The following MBNL2 variants were observed in gnomAD, a reference collection of about 807,000 sequenced individuals.
The protein encoded by MBNL2 is muscleblind-like protein 2.
A neutral mutation model predicts 41.9 loss-of-function variants in MBNL2; 17 were observed. The observed-to-expected ratio is 0.41, with a 90% CI of 0.28 to 0.61. The LOEUF is 0.61. MBNL2 is among the 20% of genes least tolerant of loss of function. MBNL2 has a pLI of 0.35. For missense variants in MBNL2, 336 were observed against 505.6 expected (o/e 0.66, Z 3.22); for synonymous variants, 195 against 182.9 (o/e 1.07, Z -0.53).
At position 97,380,591 on chromosome 13, in the gene MBNL2, C is replaced by T. The variant is rs114664342; in HGVS notation, c.1049-10731C>T. 1.6e-3 allele frequency among the ~76,000 whole-genome samples: 242 copies of T among 152,280 alleles called. 1 individual carries two copies. Among genetic ancestry groups the T allele is most frequent in the Middle Eastern group, 6.8e-3 (2 of 294 alleles). On this transcript the variant is annotated intron_variant, in intron 8 of 8. Coordinates refer to ENST00000679496, the MANE Select transcript of MBNL2 (RefSeq NM_001382683.1). ...CAATGAAAACAGTAGTTCCTGCTCT[C>T]ATGGGTCTTACATGGTGAGGGGGAC...
At chr13:97,260,424 A>G (rs555273187) in intron 1 of MBNL2, among the ~76,000 whole-genome samples, 1 of 152,324 alleles carries the variant, frequency 6.6e-6, no homozygotes, top group South Asian at 2.1e-4. Context: ...TACATTTTCA[A>G]AGAGTCCCTC....
rs1445127203 is a variant in MBNL2 at position 97,232,888 on chromosome 13, T to TGTGTGTGCGC, written c.-605+10360_-605+10361insTGTGCGCGTG. On this transcript the variant is annotated intron_variant, in intron 1 of 8. Transcript: ENST00000679496. ...GTGTGTGTGTGTGTGTGTGTGTGTG[T>TGTGTGTGCGC]GTGCGCACGTACACTGAATGAACTT... 3.8e-4 allele frequency among the ~76,000 whole-genome samples: 55 copies of TGTGTGTGCGC among 146,384 alleles called. 1 individual carries two copies. The South Asian group carries it at 3.9e-3, about 10-fold the overall frequency.
chr13:97,370,858 A>C (rs1218434434), intron 8 of MBNL2, among the ~76,000 whole-genome samples: 3 of 152,160 alleles, frequency 2.0e-5, no homozygotes, highest in South Asian at 4.1e-4. Context: ...CCTAACCTCT[A>C]CTAATCATCT....
intron 1 of MBNL2, among the ~76,000 whole-genome samples, chr13:97,242,732 A>G (rs1170470158): frequency 6.6e-6 from 1 of 151,726 alleles, no homozygotes; most frequent in African/African-American, 2.4e-5. Context: ...AAGAAACATT[A>G]AAAGAGCTTG....
At chr13:97,169,435 T>TATCA in the MBNL2 span, among the ~76,000 whole-genome samples, 11 of 152,202 alleles carry the variant, frequency 7.2e-5, no homozygotes, top group African/African-American at 2.7e-4. Flanking sequence ...AATTTCTATC[T>TATCA]ATCAGTTTTC....
the MBNL2 span, among the ~76,000 whole-genome samples, chr13:97,164,807 G>A: frequency 6.6e-6 from 1 of 152,164 alleles, no homozygotes; most frequent in Admixed American, 6.5e-5. Flanking sequence ...CTGGTCTGAT[G>A]CCCATCCATC....
At chr13:97,155,264 T>C in the MBNL2 span, among the ~76,000 whole-genome samples, 3 of 152,076 alleles carry the variant, frequency 2.0e-5, no homozygotes, top group South Asian at 6.2e-4. Flanking sequence ...TTAATATATA[T>C]TTTTTATATC....
chr13:97,375,433 G>GTGTC (rs1491308309), intron 8 of MBNL2, among the ~76,000 whole-genome samples: 1 of 152,224 alleles, frequency 6.6e-6, no homozygotes, highest in East Asian at 1.9e-4. Flanking sequence ...CATCCCTGAA[G>GTGTC]TGTCATAGGT....
chr13:97,388,249 G>A (rs1435972900), intron 8 of MBNL2, among the ~76,000 whole-genome samples: 1 of 150,474 alleles, frequency 6.6e-6, no homozygotes, highest in Non-Finnish European at 1.5e-5. Context: ...CCCCATGAAG[G>A]TTTTGATCCT....
At position 97,357,618 on chromosome 13, in the gene MBNL2, C is replaced by A; in HGVS notation, c.995C>A (p.Ala332Asp). 6.2e-7 allele frequency: 1 copy of A among 1,614,062 alleles called. No homozygotes were observed. Among genetic ancestry groups the A allele is most frequent in the Non-Finnish European group, 8.5e-7 (1 of 1,179,996 alleles). ...ALTSAQLQQH[A>D]AFIPTGSVLC... ...ACCAGCGCACAGTTGCAGCAACACG[C>A]CGCGTTCATTCCAACAGGTATGTGC... Residue 332 changes from alanine to aspartate, a missense_variant, in exon 7 of 9, where the codon GCC (alanine) becomes GAC (aspartate). Physicochemically the swap from Ala to Asp is moderately radical, Grantham distance 126. Transcript: ENST00000679496.
In MBNL2 at chr13:97,393,588, A is replaced by G. The variant is rs184194825; in HGVS notation, c.*2139A>G. The G allele has an allele frequency of 6.6e-6, 1 of 152,638 alleles. No individual in the cohort carries two copies. The highest frequency in any genetic ancestry group is 1.9e-4 in the East Asian group (1 of 5,192). 9.5% of individuals were successfully genotyped at this position (152,638 alleles called of 1,614,324 possible). ...AAGAGTCATAAATATGCCATTTACA[A>G]TAAGGAGGAGGCAAGGCAAATGCAT... On this transcript the variant is annotated 3_prime_UTR_variant, in exon 9 of 9. Coordinates refer to ENST00000679496, the MANE Select transcript of MBNL2 (RefSeq NM_001382683.1).
At chr13:97,379,064 G>T (rs2065202855) in intron 8 of MBNL2, among the ~76,000 whole-genome samples, 1 of 152,234 alleles carries the variant, frequency 6.6e-6, no homozygotes, top group African/African-American at 2.4e-5. Flanking sequence ...TATGGTCAGT[G>T]TAGGCTTGGG....
intron 2 of MBNL2, among the ~76,000 whole-genome samples, chr13:97,310,835 GAA>G (rs1181142495): frequency 6.8e-6 from 1 of 146,506 alleles, no homozygotes; most frequent in Non-Finnish European, 1.5e-5. Context: ...CAACCCAAAG[GAA>G]AAGAGAAACA....
At chr13:97,351,200 C>A (rs1566435014) in intron 5 of MBNL2, among the ~76,000 whole-genome samples, 1 of 152,172 alleles carries the variant, frequency 6.6e-6, no homozygotes, top group African/African-American at 2.4e-5. Context: ...TTTTTCTGAG[C>A]AGTAGGTCTC....
chr13:97,229,682 G>A (rs1023323565), intron 1 of MBNL2, among the ~76,000 whole-genome samples: 2 of 152,154 alleles, frequency 1.3e-5, no homozygotes, highest in African/African-American at 4.8e-5. Flanking sequence ...AGATGGAGAT[G>A]AAGTGTTAGG....
intron 7 of MBNL2, among the ~76,000 whole-genome samples, chr13:97,359,272 T>TAA (rs113380350): frequency 2.4e-4 from 34 of 138,790 alleles, no homozygotes; most frequent in Middle Eastern, 3.7e-3. Flanking sequence ...TATTTTAAGA[T>TAA]AAAAAAAAAA....
upstream of MBNL2, among the ~76,000 whole-genome samples, chr13:97,220,575 G>GT (rs2040770288): frequency 6.6e-6 from 1 of 152,204 alleles, no homozygotes; most frequent in South Asian, 2.1e-4. Context: ...TTTATAGAGA[G>GT]AAAGGTTTGA....
chr13:97,381,893 A>G (rs1002459157), intron 8 of MBNL2, among the ~76,000 whole-genome samples: 1 of 152,008 alleles, frequency 6.6e-6, no homozygotes, highest in Non-Finnish European at 1.5e-5. Context: ...TATATTACAT[A>G]TTATGTTACA....
chr13:97,151,565 G>A, the MBNL2 span, among the ~76,000 whole-genome samples: 1 of 152,164 alleles, frequency 6.6e-6, no homozygotes, highest in Non-Finnish European at 1.5e-5. Context: ...TCCCACCAAA[G>A]CTAATTTCAA....
Sources: gnomAD v4.1 joint callset for allele counts (sites outside exome capture counted in the v4.1 genomes callset) on GRCh38, gnomAD v4.1.1 for gene constraint, MANE v1.5 for transcripts, NCBI Gene and HGNC (gene_info 2026-07-23, HGNC 2026-07-21) for gene names.